OCA2: variants seen among roughly 807,000 people sequenced by gnomAD.
The protein encoded by OCA2 is OCA2 melanosomal transmembrane protein.
In OCA2, 77 loss-of-function variants were observed where a neutral mutation model predicts 100.2. The observed-to-expected ratio is 0.77, with a 90% CI of 0.64 to 0.93. The LOEUF (loss-of-function observed/expected upper bound fraction) is 0.93, where lower values mean the gene tolerates loss of function less well. Among genes scored for constraint, OCA2 ranks in the 40% least tolerant of loss-of-function variants. The pLI, the probability that OCA2 is intolerant of heterozygous loss-of-function variation, is 0.00. For synonymous variants in OCA2, 432 were observed against 439.2 expected (o/e 0.98, Z 0.21); for missense variants, 1,062 against 1,089.1 (o/e 0.98, Z 0.35).
In OCA2 at chr15:28,081,734, G is replaced by C; in HGVS notation, c.141C>G (p.Pro47=). The change falls in exon 2 of 24, where the codon CCC becomes CCG. Residue 47 remains proline, a synonymous_variant. Transcript: ENST00000354638. ...CAGCCCCCCTGGGGCAGGAGTGCGA[G>C]GGGTCAGCTCCACCGGCTCCCCGAG... ...RLPRGAGGAD[P]SHSCPRGAAG... 6.2e-7 allele frequency: 1 copy of C among 1,613,714 alleles called. No homozygotes were observed. Among genetic ancestry groups the C allele is most frequent in the Non-Finnish European group, 8.5e-7 (1 of 1,179,978 alleles).
intron 11 of OCA2, among the ~76,000 whole-genome samples, chr15:27,988,782 A>G (rs188539633): frequency 2.8e-4 from 43 of 152,256 alleles, no homozygotes; most frequent in African/African-American, 1.0e-3. Context: ...CAGGCCCGAC[A>G]CAAGTATTAG....
chr15:27,880,263 T>C (rs1172217919), intron 19 of OCA2, among the ~76,000 whole-genome samples: 1 of 152,224 alleles, frequency 6.6e-6, no homozygotes, highest in African/African-American at 2.4e-5. Flanking sequence ...AGCCTGGTGG[T>C]ATAGTTTGAA....
chr15:28,055,354 T>A (rs1359797916), intron 2 of OCA2, among the ~76,000 whole-genome samples: 1 of 150,920 alleles, frequency 6.6e-6, no homozygotes, highest in Non-Finnish European at 1.5e-5. Context: ...TCCCCAAAAC[T>A]TTTATCTGCA....
chr15:27,811,819 CAG>C (rs2034091400), intron 23 of OCA2, among the ~76,000 whole-genome samples: 1 of 152,070 alleles, frequency 6.6e-6, no homozygotes, highest in Non-Finnish European at 1.5e-5. Flanking sequence ...CTAATAAGAC[CAG>C]GTCACTGGAT....
rs143572313 is a variant in OCA2 at position 27,980,422 on chromosome 15, C to T, written c.1503+2923G>A. ...GATTACAGGCGTGAGCCACCGCGCA[C>T]GGCCAGTAATTTTTTAAATTATGTG... On this transcript the variant is annotated intron_variant, in intron 14 of 23. Coordinates refer to ENST00000354638, the MANE Select transcript of OCA2 (RefSeq NM_000275.3). 3.8e-3 allele frequency among the ~76,000 whole-genome samples: 580 copies of T among 152,314 alleles called. 1 individual carries two copies. Among genetic ancestry groups the T allele is most frequent in the Non-Finnish European group, 7.0e-3 (475 of 68,038 alleles).
chr15:27,773,905 G>A (rs2151057514), intron 23 of OCA2, among the ~76,000 whole-genome samples: 1 of 152,312 alleles, frequency 6.6e-6, no homozygotes, highest in East Asian at 1.9e-4. Flanking sequence ...TTGTAGAAAT[G>A]ATATCTGTCT....
intron 23 of OCA2, among the ~76,000 whole-genome samples, chr15:27,799,390 TA>T (rs1350903161): frequency 6.6e-6 from 1 of 151,802 alleles, no homozygotes; most frequent in Non-Finnish European, 1.5e-5. Flanking sequence ...TAGAGAAAAA[TA>T]GGGAGGAAAG....
intron 23 of OCA2, among the ~76,000 whole-genome samples, chr15:27,813,400 A>G (rs2034157831): frequency 6.6e-6 from 1 of 152,094 alleles, no homozygotes. Flanking sequence ...AGGCACACAT[A>G]TGCATCCACA....
intron 3 of OCA2, among the ~76,000 whole-genome samples, chr15:28,030,762 A>C (rs1026369516): frequency 1.3e-5 from 2 of 152,240 alleles, no homozygotes; most frequent in African/African-American, 4.8e-5. Flanking sequence ...GGGCAGGGAA[A>C]GGAGAATCCA....
Position 28,032,032 on chromosome 15 carries a change from T to C in OCA2, c.326+33A>G, listed in dbSNP as rs560223168. ...CATGCCAGGTGCAATGCTCAGAAAC[T>C]CTTACTTTCATATGAGGGGGAAAAT... On this transcript the variant is annotated intron_variant, in intron 3 of 23. Transcript: ENST00000354638. 8 of 1,542,622 alleles carry C rather than the reference T, an allele frequency of 5.2e-6. No homozygotes were observed. The African/African-American group carries it at 1.1e-4, about 21-fold the overall frequency.
chr15:27,865,247 G>A (rs878954536), intron 21 of OCA2, among the ~76,000 whole-genome samples: 23 of 152,204 alleles, frequency 1.5e-4, no homozygotes, highest in Admixed American at 4.6e-4. Flanking sequence ...TCAGGCCCCC[G>A]CCAGCTCTCC....
intron 23 of OCA2, among the ~76,000 whole-genome samples, chr15:27,765,988 C>T (rs146503413): frequency 2.6e-5 from 4 of 152,262 alleles, no homozygotes; most frequent in Non-Finnish European, 2.9e-5. Context: ...TGCTGCCCAG[C>T]GGGCCTCAGC....
chr15:27,820,392 G>C (rs1350313053), intron 23 of OCA2, among the ~76,000 whole-genome samples: 1 of 152,048 alleles, frequency 6.6e-6, no homozygotes, highest in African/African-American at 2.4e-5. Context: ...CTCTCCACAG[G>C]GTATGATGAA....
downstream of OCA2, among the ~76,000 whole-genome samples, chr15:27,751,522 A>G (rs2030064059): frequency 6.6e-6 from 1 of 152,248 alleles, no homozygotes. Context: ...TTTAATTTCG[A>G]AGGCAGCATA....
chr15:27,975,238 T>G lies in OCA2; in HGVS notation c.1503+8107A>C, dbSNP rs1453884876. ...TACATTAACACTAATGTGATGCTAG[T>G]CAGGAGAGTTAAACTGTTGCAGCAT... On this transcript the variant is annotated intron_variant, in intron 14 of 23. Transcript: ENST00000354638. Among the ~76,000 whole-genome samples, 7 of 152,258 alleles carry G rather than the reference T, an allele frequency of 4.6e-5. No homozygotes were observed. In the East Asian group the frequency reaches 1.3e-3, roughly 29 times the overall value.
At chr15:28,093,879 G>A (rs1050772646) in intron 1 of OCA2, among the ~76,000 whole-genome samples, 1 of 152,168 alleles carries the variant, frequency 6.6e-6, no homozygotes, top group Non-Finnish European at 1.5e-5. Context: ...CAACATTCTT[G>A]AAACGGCAAA....
chr15:28,038,362 T>C (rs2043106595), intron 2 of OCA2, among the ~76,000 whole-genome samples: 1 of 152,168 alleles, frequency 6.6e-6, no homozygotes, highest in South Asian at 2.1e-4. Context: ...TCCTCACCCG[T>C]GTACAGTCAG....
In OCA2 at chr15:27,770,890, CCAT is replaced by C. The variant is rs1313664669; in HGVS notation, c.2433-15421_2433-15419del. ...CCTTCCCTCCTTCCTTTGCTCCTTC[CCAT>C]CTCCTTTTCCTTCCTTCCCTCCTCC... On this transcript the variant is annotated intron_variant, in intron 23 of 23. Coordinates refer to ENST00000354638, the MANE Select transcript of OCA2 (RefSeq NM_000275.3). Among the ~76,000 whole-genome samples the C allele has an allele frequency of 3.5e-3, 196 of 55,280 alleles. 8 individuals carry two copies. Among genetic ancestry groups the C allele is most frequent in the African/African-American group, 0.011 (185 of 16,138 alleles). 36.3% of individuals were successfully genotyped at this position (55,280 alleles called of 152,430 possible).
At chr15:28,067,240 C>T (rs2044051980) in intron 2 of OCA2, among the ~76,000 whole-genome samples, 1 of 152,176 alleles carries the variant, frequency 6.6e-6, no homozygotes, top group South Asian at 2.1e-4. Flanking sequence ...AAAATCCTAC[C>T]AGGATCTTCT....
Sources: gnomAD v4.1 joint callset for allele counts (sites outside exome capture counted in the v4.1 genomes callset) on GRCh38, gnomAD v4.1.1 for gene constraint, MANE v1.5 for transcripts, NCBI Gene and HGNC (gene_info 2026-07-23, HGNC 2026-07-21) for gene names.